LAMB4: variants seen among roughly 807,000 people sequenced by gnomAD.
The protein encoded by LAMB4 is laminin subunit beta 4, also known as laminin subunit beta-4.
A neutral mutation model predicts 199.2 loss-of-function variants in LAMB4; 196 were observed. That is an observed-to-expected ratio of 0.98 (90% CI 0.88 to 1.11). The LOEUF (loss-of-function observed/expected upper bound fraction) is 1.11. Among genes scored for constraint, LAMB4 ranks in the 50% least tolerant of loss-of-function variants. LAMB4 has a pLI of 0.00. For missense variants in LAMB4, 2,080 were observed against 2,171.2 expected, an observed-to-expected ratio of 0.96 and a Z score of 0.83; for synonymous variants, 744 against 770.6, an observed-to-expected ratio of 0.97 and a Z score of 0.57.
chr7:108,034,475 A>G (rs1210954454), intron 30 of LAMB4, 129 bp from the exon 31 acceptor site: 6 of 735,874 alleles, frequency 8.2e-6, no homozygotes, highest in Admixed American at 2.8e-5. Flanking sequence ...TTACTCTTAA[A>G]CAAGAGAAAG....
chr7:108,098,049 A>G (rs934260259), intron 11 of LAMB4, among the ~76,000 whole-genome samples: 1 of 152,122 alleles, frequency 6.6e-6, no homozygotes, highest in Non-Finnish European at 1.5e-5. Flanking sequence ...ATGATCATCA[A>G]TTTTTAGGGC....
chr7:108,062,700 C>A, intron 23 of LAMB4, 74 bp downstream of exon 23: 1 of 885,144 alleles, frequency 1.1e-6, no homozygotes, highest in South Asian at 4.8e-5. Context: ...AAGAAACTTT[C>A]TTTACACATT....
At chr7:108,108,333 G>A (rs2038098724) in intron 5 of LAMB4, among the ~76,000 whole-genome samples, 1 of 152,202 alleles carries the variant, frequency 6.6e-6, no homozygotes, top group African/African-American at 2.4e-5. Context: ...TTGTAAAAAT[G>A]TTTATGGCTT....
the LAMB4 span, among the ~76,000 whole-genome samples, chr7:108,016,995 G>A: frequency 2.3e-3 from 355 of 152,298 alleles, no homozygotes; most frequent in African/African-American, 8.2e-3. Flanking sequence ...GTGAACTGTG[G>A]TTGTGTGTGG....
Position 108,065,770 on chromosome 7 carries a change from C to A in LAMB4, c.2828G>T (p.Gly943Val), listed in dbSNP as rs150810237. Residue 943 changes from glycine (G) to valine (V), a missense_variant, in exon 21 of 34, where the codon GGT (glycine) becomes GTT (valine). Physicochemically the swap from Gly to Val is moderately radical, Grantham distance 109. Transcript: ENST00000388781. ...AGCACTATACTGCATACCCGTATAA[C>A]CTTGAAGACAATTGCAGATTACATC... is the stretch of plus-strand genomic sequence containing the variant. The part of the protein sequence containing the change: ...SSDVICNCLQ[G>V]YTGTQCGECS... 1.1e-5 allele frequency: 17 copies of A among 1,613,836 alleles called. No individual in the cohort carries two copies. The highest frequency in any genetic ancestry group is 2.2e-5 in the East Asian group (1 of 44,884).
chr7:108,072,946 T>C (rs184155173), intron 17 of LAMB4, among the ~76,000 whole-genome samples: 104 of 152,248 alleles, frequency 6.8e-4, no homozygotes, highest in African/African-American at 2.4e-3. Flanking sequence ...GTCTGAGCCA[T>C]TGATAGTTGG....
chr7:108,115,925 A>C, intron 3 of LAMB4, 79 bp downstream of exon 3: 1 of 1,436,058 alleles, frequency 7.0e-7, no homozygotes, highest in Non-Finnish European at 9.6e-7. Flanking sequence ...TTAATGTCTG[A>C]GTAGCCCCAG....
At chr7:108,047,551 T>A (rs1427515408) in intron 28 of LAMB4, among the ~76,000 whole-genome samples, 1 of 152,202 alleles carries the variant, frequency 6.6e-6, no homozygotes, top group African/African-American at 2.4e-5. Flanking sequence ...ATTGACTGTT[T>A]AAGTTATGGG....
intron 22 of LAMB4, among the ~76,000 whole-genome samples, chr7:108,063,424 A>C (rs1461500636): frequency 6.6e-6 from 1 of 152,194 alleles, no homozygotes; most frequent in East Asian, 1.9e-4. Flanking sequence ...TTGCATGTTA[A>C]TACACCTCAC....
At chr7:108,032,219 GTC>G (rs1390046802) in intron 31 of LAMB4, among the ~76,000 whole-genome samples, 1 of 151,982 alleles carries the variant, frequency 6.6e-6, no homozygotes, top group East Asian at 1.9e-4. Context: ...GCGAAACCTC[GTC>G]TCTTCTAAAA....
In LAMB4 at chr7:108,103,219, A is replaced by T. The variant is rs402113; in HGVS notation, c.1005T>A (p.Asn335Lys). 2.9e-4 allele frequency: 448 copies of T among 1,561,536 alleles called. No homozygotes were observed. The highest frequency in any genetic ancestry group is 3.6e-4 in the Non-Finnish European group (420 of 1,152,264). The change falls in exon 10 of 34, where the codon AAT becomes AAA. Residue 335 changes from asparagine (N) to lysine (K), a missense_variant. Asn to Lys is a moderately conservative substitution (Grantham distance 94). Coordinates refer to ENST00000388781, the MANE Select transcript of LAMB4 (RefSeq NM_007356.3). ...QDNACRSCSC[N>K]SHSSRCHFDM... ...CAAAGTGACAGCGGCTGGAGTGGCT[A>T]TTACAGCTGCACGCTGAAAGGAGAA...
intron 14 of LAMB4, among the ~76,000 whole-genome samples, chr7:108,089,795 T>C (rs2037328353): frequency 6.6e-6 from 1 of 152,224 alleles, no homozygotes; most frequent in South Asian, 2.1e-4. Flanking sequence ...CCTGAGTAGC[T>C]GGGATTGAAG....
chr7:108,096,862 G>A (rs1482356026), intron 11 of LAMB4, among the ~76,000 whole-genome samples: 2 of 140,794 alleles, frequency 1.4e-5, no homozygotes, highest in African/African-American at 5.3e-5. Context: ...CTTGAGTCCA[G>A]GAGTTTAAGG....
chr7:108,046,455 T>C (rs1195492387), intron 28 of LAMB4, among the ~76,000 whole-genome samples: 1 of 151,932 alleles, frequency 6.6e-6, no homozygotes, highest in East Asian at 1.9e-4. Flanking sequence ...CATATAGTGG[T>C]AAAAAATTCA....
At chr7:108,051,682 G>T (rs1042797866) in intron 26 of LAMB4, among the ~76,000 whole-genome samples, 26 of 151,630 alleles carry the variant, frequency 1.7e-4, no homozygotes, top group African/African-American at 2.2e-4. Context: ...ATATTGTGGG[G>T]TTTTTTTTGC....
intron 1 of LAMB4, among the ~76,000 whole-genome samples, chr7:108,127,730 C>A (rs1422913326): frequency 6.6e-6 from 1 of 152,190 alleles, no homozygotes; most frequent in African/African-American, 2.4e-5. Flanking sequence ...GATGAACGCT[C>A]AAGTTTGAGA....
chr7:108,096,727 T>C (rs1346674192), intron 11 of LAMB4, among the ~76,000 whole-genome samples: 1 of 148,088 alleles, frequency 6.8e-6, no homozygotes. Flanking sequence ...GGATCAGGAG[T>C]TGAAGACCAG....
chr7:108,043,482 T>C (rs1386497466), intron 29 of LAMB4, among the ~76,000 whole-genome samples: 1 of 149,242 alleles, frequency 6.7e-6, no homozygotes, highest in Non-Finnish European at 1.5e-5. Context: ...AACCAAAGGG[T>C]ATATCATTTT....
At chr7:108,088,566 G>C (rs913515977) in intron 14 of LAMB4, among the ~76,000 whole-genome samples, 1 of 152,226 alleles carries the variant, frequency 6.6e-6, no homozygotes, top group African/African-American at 2.4e-5. Flanking sequence ...CATGGAGAAA[G>C]TTAATTGTAA....
Sources: allele counts gnomAD v4.1 joint callset (sites outside exome capture counted in the v4.1 genomes callset), GRCh38; gene constraint gnomAD v4.1.1; transcripts MANE v1.5; gene names NCBI Gene and HGNC (gene_info 2026-07-23, HGNC 2026-07-21).